The following EBF3 variants were observed in gnomAD, a reference collection of about 807,000 sequenced individuals.
EBF3 encodes the protein EBF transcription factor 3.
A neutral mutation model predicts 77.1 loss-of-function variants in EBF3; 18 were observed. The ratio of observed to expected loss-of-function variants is 0.23; its 90% confidence interval spans 0.16 to 0.35. The LOEUF (loss-of-function observed/expected upper bound fraction) is 0.35. EBF3 is among the 10% of genes least tolerant of loss of function. EBF3 has a pLI of 1.00. For missense variants in EBF3, 558 were observed against 860.0 expected, an observed-to-expected ratio of 0.65 and a Z score of 4.39; for synonymous variants, 350 against 343.5, an observed-to-expected ratio of 1.02 and a Z score of -0.21.
At position 129,843,224 on chromosome 10, in the gene EBF3, G is replaced by C. The variant is rs763636962; in HGVS notation, c.1129-22C>G. ...CCTCCTAAAGGAAGAGCAGACAGGA[G>C]GTGATTCATGGGAGGAACCGGCCAG... On this transcript the variant is annotated intron_variant, in intron 11 of 16. Transcript: ENST00000440978. 4 of 1,600,706 alleles carry C rather than the reference G, an allele frequency of 2.5e-6. No individual in the cohort carries two copies. The African/African-American group carries it at 5.4e-5, about 21-fold the overall frequency.
At chr10:129,893,414 G>A (rs1029879769) in intron 6 of EBF3, among the ~76,000 whole-genome samples, 1 of 152,154 alleles carries the variant, frequency 6.6e-6, no homozygotes, top group African/African-American at 2.4e-5. Flanking sequence ...TGCAAATTTT[G>A]TAAAATATTA....
chr10:129,837,998 C>A (rs1349653736), intron 16 of EBF3, 38 bp from the exon 17 acceptor site: 1 of 1,613,364 alleles, frequency 6.2e-7, no homozygotes, highest in East Asian at 2.2e-5. Flanking sequence ...CTGCAGGCTC[C>A]CCCACGCGCC....
chr10:129,929,065 G>T (rs1214616731), intron 6 of EBF3, among the ~76,000 whole-genome samples: 6 of 152,194 alleles, frequency 3.9e-5, no homozygotes, highest in African/African-American at 1.4e-4. Context: ...AGACATTTCA[G>T]AATGATGGAG....
chr10:129,874,369 T>C (rs1334626193), intron 7 of EBF3, among the ~76,000 whole-genome samples: 1 of 151,876 alleles, frequency 6.6e-6, no homozygotes, highest in Non-Finnish European at 1.5e-5. Flanking sequence ...AGCTGCCTCG[T>C]GGTAGAGGGA....
At chr10:129,838,289 A>C (rs1191928262) in intron 16 of EBF3, among the ~76,000 whole-genome samples, 1 of 152,262 alleles carries the variant, frequency 6.6e-6, no homozygotes. Flanking sequence ...GTGCACTGCC[A>C]ACAGGTGCAA....
At chr10:129,845,166 T>C (rs1359549824) in intron 11 of EBF3, among the ~76,000 whole-genome samples, 2 of 152,252 alleles carry the variant, frequency 1.3e-5, no homozygotes, top group Non-Finnish European at 2.9e-5. Context: ...GGTCTTGTCA[T>C]ATCAGAGAGA....
intron 6 of EBF3, among the ~76,000 whole-genome samples, chr10:129,887,928 G>T (rs540141525): frequency 2.6e-5 from 4 of 152,208 alleles, no homozygotes; most frequent in Admixed American, 2.6e-4. Context: ...TCCCTAAAAC[G>T]TCCAGTAGGG....
chr10:129,881,781 G>A (rs754051947), intron 6 of EBF3, among the ~76,000 whole-genome samples: 1 of 152,170 alleles, frequency 6.6e-6, no homozygotes, highest in Admixed American at 6.5e-5. Flanking sequence ...GGGGTGGAGG[G>A]GCAGCTGGGT....
chr10:129,929,202 T>TTTTA (rs1312589945), intron 6 of EBF3, among the ~76,000 whole-genome samples: 1 of 152,048 alleles, frequency 6.6e-6, no homozygotes, highest in Non-Finnish European at 1.5e-5. Flanking sequence ...TTATCTTTAT[T>TTTTA]TTTATTTATT....
chr10:129,925,079 T>C (rs1228021863), intron 6 of EBF3, among the ~76,000 whole-genome samples: 1 of 71,438 alleles, frequency 1.4e-5, no homozygotes, highest in Non-Finnish European at 2.5e-5. Context: ...GGTGTGTGTG[T>C]GCACGCGTGT....
intron 6 of EBF3, among the ~76,000 whole-genome samples, chr10:129,896,570 T>TG (rs1308900251): frequency 6.6e-6 from 1 of 151,796 alleles, no homozygotes; most frequent in Non-Finnish European, 1.5e-5. Context: ...GCACAGCGAG[T>TG]GGGGGGCTGG....
At chr10:129,928,139 C>T (rs766047164) in intron 6 of EBF3, among the ~76,000 whole-genome samples, 1 of 152,284 alleles carries the variant, frequency 6.6e-6, no homozygotes, top group African/African-American at 2.4e-5. Context: ...CAGCCTCATG[C>T]GAAAACGACT....
chr10:129,960,136 G>A (rs904586296), intron 4 of EBF3, among the ~76,000 whole-genome samples: 2 of 152,112 alleles, frequency 1.3e-5, no homozygotes. Flanking sequence ...AGTCTACTGG[G>A]GGAGGGGCGG....
chr10:129,941,337 G>A (rs745705168), intron 6 of EBF3, among the ~76,000 whole-genome samples: 1 of 152,228 alleles, frequency 6.6e-6, no homozygotes, highest in African/African-American at 2.4e-5. Flanking sequence ...CCTCAAAGCA[G>A]GTGGACACGT....
chr10:129,866,954 C>T (rs753283220), intron 10 of EBF3, among the ~76,000 whole-genome samples, 187 bp downstream of exon 10: 1 of 152,248 alleles, frequency 6.6e-6, no homozygotes, highest in Non-Finnish European at 1.5e-5. Flanking sequence ...TCCACGGCTT[C>T]ATACGCCATC....
chr10:129,864,960 G>C lies in EBF3; in HGVS notation c.1039+2181C>G, dbSNP rs1156431935. Reference sequence around the variant, plus strand: ...TGTACATAAGTCATCCCCGATCCTTGCCAAAACCTTGCCAGATAGAGCAGA... The same window carrying C: ...TGTACATAAGTCATCCCCGATCCTTCCCAAAACCTTGCCAGATAGAGCAGA... On this transcript the variant is annotated intron_variant, in intron 10 of 16. Coordinates refer to ENST00000440978, the MANE Select transcript of EBF3 (RefSeq NM_001375380.1). The surrounding 1 kb of genome is among the most constrained non-coding windows in gnomAD (Gnocchi z 4.4). 2.6e-5 allele frequency among the ~76,000 whole-genome samples: 4 copies of C among 152,194 alleles called. No homozygotes were observed. The highest frequency in any genetic ancestry group is 5.9e-5 in the Non-Finnish European group (4 of 68,030).
chr10:129,950,063 G>C (rs1213747057), intron 6 of EBF3, among the ~76,000 whole-genome samples: 1 of 151,000 alleles, frequency 6.6e-6, no homozygotes, highest in East Asian at 2.0e-4. Context: ...AGGGGCGGCG[G>C]CTGGAGCTGC....
Position 129,841,117 on chromosome 10 carries a change from A to G in EBF3, c.1373-85T>C, listed in dbSNP as rs1406217327. 6.6e-7 allele frequency: 1 copy of G among 1,524,646 alleles called. No homozygotes were observed. Among genetic ancestry groups the G allele is most frequent in the East Asian group, 2.3e-5 (1 of 43,804 alleles). 94.4% of individuals were successfully genotyped at this position (1,524,646 alleles called of 1,614,324 possible). A position where few individuals can be genotyped will look rare whatever the true frequency, so the allele number is the denominator to read the frequency against. ...GGGGTTCCCCGAGAATCTATATCATATATTAACATTGCTAATTGACCCTGT... is the reference window on the plus strand; with the variant it reads ...GGGGTTCCCCGAGAATCTATATCATGTATTAACATTGCTAATTGACCCTGT... On this transcript the variant is annotated intron_variant, in intron 13 of 16. Coordinates refer to ENST00000440978, the MANE Select transcript of EBF3 (RefSeq NM_001375380.1). This position sits in a 1 kb window ranked among gnomAD's most constrained non-coding sequence, Gnocchi z 4.6.
chr10:129,963,199 G>C lies in EBF3; in HGVS notation c.291+168C>G. On this transcript the variant is annotated intron_variant, in intron 2 of 16. Transcript: ENST00000440978. This position sits in a 1 kb window ranked among gnomAD's most constrained non-coding sequence, Gnocchi z 7.1. ...CCCCGAGTAAGTCCGAGGGCGCAGA[G>C]AAGTTGCCCAGCCCTCGGCGGTCCC... The C allele has an allele frequency of 8.5e-7, 1 of 1,180,438 alleles. No individual in the cohort carries two copies. The highest frequency in any genetic ancestry group is 1.2e-6 in the Non-Finnish European group (1 of 864,782). 73.1% of individuals were successfully genotyped at this position (1,180,438 alleles called of 1,614,324 possible). A position where few individuals can be genotyped will look rare whatever the true frequency, so the allele number is the denominator to read the frequency against.
Sources: gnomAD v4.1 joint callset for allele counts (sites outside exome capture counted in the v4.1 genomes callset) on GRCh38, gnomAD v4.1.1 for gene constraint, Gnocchi (gnomAD v3.1) non-coding constraint, MANE v1.5 for transcripts, NCBI Gene and HGNC (gene_info 2026-07-23, HGNC 2026-07-21) for gene names.